Variants in SLC6A13 observed in about 807,000 individuals in gnomAD.
SLC6A13 encodes the protein sodium- and chloride-dependent GABA transporter 2.
SLC6A13 carries 69 observed loss-of-function variants against 72.9 expected under a neutral mutation model. The ratio of observed to expected loss-of-function variants is 0.95; its 90% CI spans 0.78 to 1.16. The LOEUF is 1.16. Ranked by LOEUF, SLC6A13 falls within the 50% of genes most tolerant of loss-of-function variation. SLC6A13 has a pLI of 0.00. For missense variants in SLC6A13, 735 were observed against 760.5 expected, an observed-to-expected ratio of 0.97 and a Z score of 0.39; for synonymous variants, 303 against 303.0, an observed-to-expected ratio of 1.00 and a Z score of 0.00.
At chr12:223,303 C>CT in intron 11 of SLC6A13, 69 bp from the exon 12 acceptor site, 1 of 966,236 alleles carries the variant, frequency 1.0e-6, no homozygotes, top group Non-Finnish European at 1.6e-6. Flanking sequence ...CTCCTATGCC[C>CT]TTTAGCTTCA....
chr12:260,153 A>T, intron 1 of SLC6A13, 96 bp from the exon 2 acceptor site: 1 of 1,326,114 alleles, frequency 7.5e-7, no homozygotes, highest in Non-Finnish European at 1.0e-6. Flanking sequence ...GAATGAATGC[A>T]CTGGAAGAGG....
At chr12:242,575 A>C (rs746389105) in intron 4 of SLC6A13, 39 bp downstream of exon 4, 109 of 1,595,732 alleles carry the variant, frequency 6.8e-5, no homozygotes, top group Non-Finnish European at 9.2e-5. Context: ...AATGTGGCAG[A>C]ACGAGAGGAG....
chr12:245,781 G>A (rs1479084451), intron 2 of SLC6A13, among the ~76,000 whole-genome samples: 2 of 151,924 alleles, frequency 1.3e-5, no homozygotes, highest in African/African-American at 2.4e-5. Flanking sequence ...TCAAGAGATC[G>A]AGACCATCCT....
At chr12:242,030 C>T (rs932377317) in intron 4 of SLC6A13, among the ~76,000 whole-genome samples, 2 of 152,200 alleles carry the variant, frequency 1.3e-5, no homozygotes, top group African/African-American at 2.4e-5. Context: ...CCCAGGTGTG[C>T]GATGGGCTGG....
intron 13 of SLC6A13, among the ~76,000 whole-genome samples, chr12:221,890 G>A (rs998855487): frequency 2.0e-5 from 3 of 152,240 alleles, no homozygotes; most frequent in African/African-American, 7.2e-5. Flanking sequence ...TACAGGCCAT[G>A]CCTCCTTCTC....
At chr12:229,874 C>T (rs1941634360) in intron 7 of SLC6A13, among the ~76,000 whole-genome samples, 2 of 152,136 alleles carry the variant, frequency 1.3e-5, no homozygotes, top group Admixed American at 6.5e-5. Flanking sequence ...TGGCCATTTA[C>T]CTCGCCTCGG....
intron 9 of SLC6A13, 85 bp from the exon 10 acceptor site, chr12:224,598 A>G (rs1366435142): frequency 9.6e-7 from 1 of 1,045,208 alleles, no homozygotes; most frequent in Non-Finnish European, 1.5e-6. Flanking sequence ...GCGTGGGGCC[A>G]CAGAATAACA....
At chr12:229,217 G>C (rs1214382346) in intron 7 of SLC6A13, among the ~76,000 whole-genome samples, 1 of 152,184 alleles carries the variant, frequency 6.6e-6, no homozygotes, top group African/African-American at 2.4e-5. Context: ...GAAAAGGACA[G>C]GGAATGAAGG....
chr12:246,579 T>C (rs1942357440), intron 2 of SLC6A13, among the ~76,000 whole-genome samples: 1 of 152,206 alleles, frequency 6.6e-6, no homozygotes, highest in South Asian at 2.1e-4. Context: ...ATAAAACTTC[T>C]GAACATGAAC....
At position 224,048 on chromosome 12, in the gene SLC6A13, G is replaced by C; in HGVS notation, c.1255C>G (p.Leu419Val). The C allele has an allele frequency of 6.2e-7, 1 of 1,613,976 alleles. No homozygotes were observed. The highest frequency in any genetic ancestry group is 8.5e-7 in the Non-Finnish European group (1 of 1,179,992). ...VFRKKNRREV[L>V]ILGVSVVSFL... ...GAGACGACAGATACTCCAAGGATGA[G>C]GACTTCCCTCCGGTTCTTCTTGCGG... The change falls in exon 11 of 15, where the codon CTC (leucine) becomes GTC (valine). Residue 419 changes from leucine (L) to valine (V), a missense_variant. Leu to Val is a conservative substitution (Grantham distance 32, BLOSUM62 1). Coordinates refer to ENST00000343164, the MANE Select transcript of SLC6A13 (RefSeq NM_016615.5).
intron 13 of SLC6A13, among the ~76,000 whole-genome samples, chr12:222,201 C>T (rs1941240851): frequency 6.6e-6 from 1 of 152,180 alleles, no homozygotes; most frequent in African/African-American, 2.4e-5. Context: ...GGGCTCTATA[C>T]CGGCTGCTAT....
chr12:262,637 C>T (rs1942964180), intron 1 of SLC6A13, 152 bp downstream of exon 1: 2 of 969,234 alleles, frequency 2.1e-6, no homozygotes, highest in Non-Finnish European at 2.5e-6. Context: ...GAAAATAGCA[C>T]ATAATCTTTG....
intron 7 of SLC6A13, among the ~76,000 whole-genome samples, chr12:230,325 A>C (rs983103521): frequency 6.6e-6 from 1 of 152,184 alleles, no homozygotes; most frequent in African/African-American, 2.4e-5. Flanking sequence ...TTTCAGCCTC[A>C]AGTCCAACCC....
chr12:238,025 C>A lies in SLC6A13; in HGVS notation c.479-15G>T. 6.2e-7 allele frequency: 1 copy of A among 1,610,190 alleles called. No individual in the cohort carries two copies. Among genetic ancestry groups the A allele is most frequent in the Non-Finnish European group, 8.5e-7 (1 of 1,176,878 alleles). ...CATACAGTGTTCTACCCATGGGTCA[C>A]GAGGAGGGAAAAAAGAGAAAAATCA... On this transcript the variant is annotated splice_polypyrimidine_tract_variant and intron_variant, in intron 4 of 14. Coordinates refer to ENST00000343164, the MANE Select transcript of SLC6A13 (RefSeq NM_016615.5).
At chr12:239,207 T>C (rs1942065964) in intron 4 of SLC6A13, among the ~76,000 whole-genome samples, 2 of 102,582 alleles carry the variant, frequency 1.9e-5, no homozygotes, top group Non-Finnish European at 4.8e-5. Flanking sequence ...TCCACCCTGT[T>C]CCCTGCACAC....
In SLC6A13 at chr12:250,354, A is replaced by G. The variant is rs141285014; in HGVS notation, c.203-6541T>C. 2.5e-3 allele frequency among the ~76,000 whole-genome samples: 381 copies of G among 152,298 alleles called. 2 individuals are homozygous for G. Among genetic ancestry groups the G allele is most frequent in the African/African-American group, 8.8e-3 (364 of 41,570 alleles). On this transcript the variant is annotated intron_variant, in intron 2 of 14. Coordinates refer to ENST00000343164, the MANE Select transcript of SLC6A13 (RefSeq NM_016615.5). Reference sequence around the variant, plus strand: ...TAAAAGGAAAAAATAACACTGCTTTATTCTCAGAAGACATGATATTCTACA... The same window carrying G: ...TAAAAGGAAAAAATAACACTGCTTTGTTCTCAGAAGACATGATATTCTACA...
intron 2 of SLC6A13, among the ~76,000 whole-genome samples, chr12:245,301 A>G (rs1942309658): frequency 6.6e-6 from 1 of 152,250 alleles, no homozygotes. Context: ...GCACACTTCT[A>G]TTGCTACCTA....
At chr12:257,507 AC>A (rs1942784644) in intron 2 of SLC6A13, among the ~76,000 whole-genome samples, 1 of 152,012 alleles carries the variant, frequency 6.6e-6, no homozygotes, top group South Asian at 2.1e-4. Context: ...GGATGGCAGG[AC>A]TCCCAAACAT....
chr12:234,707 G>A (rs1002807597), intron 7 of SLC6A13, among the ~76,000 whole-genome samples: 5 of 152,030 alleles, frequency 3.3e-5, no homozygotes, highest in African/African-American at 4.8e-5. Flanking sequence ...TAGTAGAGGT[G>A]GGGTTTCACT....
Sources: allele counts gnomAD v4.1 joint callset (sites outside exome capture counted in the v4.1 genomes callset), GRCh38; gene constraint gnomAD v4.1.1; transcripts MANE v1.5; gene names NCBI Gene and HGNC (gene_info 2026-07-23, HGNC 2026-07-21).